The following SUGCT variants were observed in gnomAD, a reference collection of about 807,000 sequenced individuals.
The protein encoded by SUGCT is succinyl-CoA:glutarate CoA-transferase.
Under a neutral mutation model 55.0 loss-of-function variants are expected in SUGCT, and 41 were observed. That is an observed-to-expected ratio of 0.74 (90% CI 0.58 to 0.97). SUGCT has a LOEUF of 0.97. SUGCT is among the 50% of genes least tolerant of loss of function. The pLI is 0.00. For synonymous variants in SUGCT, 187 were observed against 200.4 expected, an observed-to-expected ratio of 0.93 and a Z score of 0.56; for missense variants, 568 against 547.8, an observed-to-expected ratio of 1.04 and a Z score of -0.37.
chr7:40,247,238 G>T (rs892733241), intron 7 of SUGCT, among the ~76,000 whole-genome samples: 2 of 151,990 alleles, frequency 1.3e-5, no homozygotes, highest in Non-Finnish European at 2.9e-5. Context: ...TTAATTATCT[G>T]CACCAACTCT....
intron 12 of SUGCT, among the ~76,000 whole-genome samples, chr7:40,592,575 G>A (rs1584077764): frequency 6.6e-6 from 1 of 152,306 alleles, no homozygotes; most frequent in South Asian, 2.1e-4. Context: ...TGGAATGGAG[G>A]ACTGTGTGAT....
the SUGCT span, among the ~76,000 whole-genome samples, chr7:40,929,074 C>G: frequency 6.6e-6 from 1 of 152,110 alleles, no homozygotes. Context: ...TTAATGCTAT[C>G]CTTCCCCCAG....
At chr7:40,146,403 A>G (rs1333348171) in intron 1 of SUGCT, among the ~76,000 whole-genome samples, 3 of 152,206 alleles carry the variant, frequency 2.0e-5, no homozygotes, top group Non-Finnish European at 4.4e-5. Context: ...AAAGACACAC[A>G]CGCAGAAATA....
the SUGCT span, among the ~76,000 whole-genome samples, chr7:40,922,220 T>G: frequency 6.6e-6 from 1 of 152,200 alleles, no homozygotes; most frequent in African/African-American, 2.4e-5. Context: ...TGACCCCTTT[T>G]GGGCTTAGTA....
At chr7:40,508,018 ACTCT>A (rs1792703954) in intron 12 of SUGCT, among the ~76,000 whole-genome samples, 1 of 151,864 alleles carries the variant, frequency 6.6e-6, no homozygotes, top group South Asian at 2.1e-4. Context: ...AGAGCTCTCC[ACTCT>A]CTCTTCCACG....
At chr7:40,951,344 C>G in the SUGCT span, among the ~76,000 whole-genome samples, 5 of 151,996 alleles carry the variant, frequency 3.3e-5, no homozygotes, top group Non-Finnish European at 7.4e-5. Context: ...ATTCTTCTCT[C>G]TTTTCTTCTT....
At chr7:40,918,742 A>G in the SUGCT span, among the ~76,000 whole-genome samples, 3 of 152,176 alleles carry the variant, frequency 2.0e-5, no homozygotes, top group African/African-American at 7.2e-5. Flanking sequence ...AGCTTTAGAA[A>G]TCTTTGTTTA....
At chr7:40,890,790 G>A in the SUGCT span, among the ~76,000 whole-genome samples, 2 of 151,966 alleles carry the variant, frequency 1.3e-5, no homozygotes, top group Non-Finnish European at 2.9e-5. Context: ...CACCAACAAA[G>A]GAACAAAATG....
At chr7:40,714,560 T>A (rs989541245) in intron 12 of SUGCT, among the ~76,000 whole-genome samples, 14 of 152,174 alleles carry the variant, frequency 9.2e-5, no homozygotes, top group African/African-American at 3.4e-4. Flanking sequence ...ACTCCCCAAA[T>A]GAAAACCATG....
chr7:41,025,943 C>T, the SUGCT span, among the ~76,000 whole-genome samples: 7 of 152,150 alleles, frequency 4.6e-5, no homozygotes, highest in Admixed American at 4.6e-4. Context: ...TTGTAAGTCC[C>T]AGAGCAGTCA....
chr7:40,512,334 G>T (rs1792974382), intron 12 of SUGCT, among the ~76,000 whole-genome samples: 3 of 152,134 alleles, frequency 2.0e-5, no homozygotes, highest in Admixed American at 6.5e-5. Context: ...ACATATCCCA[G>T]AGCTCCAGCA....
chr7:40,136,067 G>A (rs1787676348), intron 1 of SUGCT, among the ~76,000 whole-genome samples: 1 of 151,740 alleles, frequency 6.6e-6, no homozygotes, highest in African/African-American at 2.4e-5. Flanking sequence ...CGCGATCTTG[G>A]TTCACCACAA....
intron 9 of SUGCT, among the ~76,000 whole-genome samples, chr7:40,440,966 A>T (rs966595910): frequency 6.6e-6 from 1 of 152,102 alleles, no homozygotes; most frequent in African/African-American, 2.4e-5. Context: ...TTTAAAAAAA[A>T]AAAAGATCTC....
chr7:40,896,845 A>G, the SUGCT span, among the ~76,000 whole-genome samples: 1 of 152,230 alleles, frequency 6.6e-6, no homozygotes, highest in African/African-American at 2.4e-5. Flanking sequence ...TTCCACAGAA[A>G]TAGAAAAAAC....
chr7:40,329,612 T>C (rs900192282), intron 9 of SUGCT, among the ~76,000 whole-genome samples: 69 of 152,014 alleles, frequency 4.5e-4, no homozygotes, highest in African/African-American at 1.6e-3. Context: ...GTCTATGGAG[T>C]GGCAGCATTG....
Position 40,324,252 on chromosome 7 carries a change from A to AATAAATATAT in SUGCT, c.816+7400_816+7401insAATATATATA, listed in dbSNP as rs1554311559. On this transcript the variant is annotated intron_variant, in intron 9 of 13. Transcript: ENST00000335693. The stretch of plus-strand genomic sequence containing the variant: ...ATATATATAAATAAATAAATAAATA[A>AATAAATATAT]ATATATATATATTTATTTTTTGAGA... Among the ~76,000 whole-genome samples, 36 of 117,618 alleles carry AATAAATATAT rather than the reference A, an allele frequency of 3.1e-4. 1 individual carries two copies. The highest frequency in any genetic ancestry group is 1.2e-3 in the African/African-American group (34 of 28,174). The allele number at this position is 117,618 out of a possible 152,430, so 77.2% of individuals were successfully genotyped here. A position where few individuals can be genotyped will look rare whatever the true frequency, so the allele number is the denominator to read the frequency against.
intron 12 of SUGCT, among the ~76,000 whole-genome samples, chr7:40,506,561 T>C (rs569471488): frequency 9.7e-4 from 147 of 152,330 alleles, no homozygotes; most frequent in Non-Finnish European, 1.8e-3. Context: ...TTTGAGTTCA[T>C]TGAGGTTCTT....
chr7:40,210,683 C>A (rs558536194), intron 6 of SUGCT, among the ~76,000 whole-genome samples: 14 of 152,080 alleles, frequency 9.2e-5, no homozygotes, highest in Non-Finnish European at 2.1e-4. Context: ...ATTCCTGACG[C>A]ATGTGGCCCC....
chr7:40,564,435 C>T (rs1006626577), intron 12 of SUGCT, among the ~76,000 whole-genome samples: 10 of 152,028 alleles, frequency 6.6e-5, no homozygotes, highest in African/African-American at 2.4e-4. Context: ...AAACGATAAG[C>T]CTATGTAACT....
Sources: gnomAD v4.1 joint callset for allele counts (sites outside exome capture counted in the v4.1 genomes callset) on GRCh38, gnomAD v4.1.1 for gene constraint, MANE v1.5 for transcripts, NCBI Gene and HGNC (gene_info 2026-07-23, HGNC 2026-07-21) for gene names.